RORA: variants seen among roughly 807,000 people sequenced by gnomAD.
The protein encoded by RORA is nuclear receptor ROR-alpha.
Under a neutral mutation model 69.5 loss-of-function variants are expected in RORA, and 7 were observed. The observed-to-expected ratio is 0.10, with a 90% CI of 0.06 to 0.19. The LOEUF is 0.19. Ranked by LOEUF, RORA falls within the 10% of genes least tolerant of loss-of-function variation. RORA has a pLI of 1.00. For synonymous variants in RORA, 261 were observed against 240.8 expected (o/e 1.08, Z -0.78); for missense variants, 457 against 663.0 (o/e 0.69, Z 3.41).
intron 1 of RORA, among the ~76,000 whole-genome samples, chr15:60,889,139 T>G (rs1012395618): frequency 1.3e-5 from 2 of 152,204 alleles, no homozygotes; most frequent in Admixed American, 1.3e-4. Context: ...ATGCTGTGTT[T>G]ACCCCACCAT....
chr15:60,801,671 C>A (rs1158280913), intron 1 of RORA, among the ~76,000 whole-genome samples: 1 of 152,190 alleles, frequency 6.6e-6, no homozygotes, highest in Non-Finnish European at 1.5e-5. Flanking sequence ...CGCCTGAAAG[C>A]CCGGGAGAGG....
At position 60,544,479 on chromosome 15, in the gene RORA, T is replaced by G. The variant is rs186385355; in HGVS notation, c.197-12628A>C. Reference sequence around the variant, plus strand: ...ACCCCTCGTGCTCTCCCTGCTTTTTTTTGTTGTTGTTGTTGTGCTTAATGT... The same window carrying G: ...ACCCCTCGTGCTCTCCCTGCTTTTTGTTGTTGTTGTTGTTGTGCTTAATGT... On this transcript the variant is annotated intron_variant, in intron 2 of 10. Transcript: ENST00000335670. 1.9e-3 allele frequency among the ~76,000 whole-genome samples: 292 copies of G among 152,228 alleles called. 1 individual carries two copies. The highest frequency in any genetic ancestry group is 4.8e-3 in the Admixed American group (73 of 15,296).
At position 60,488,298 on chromosome 15, in the gene RORA, GAA is replaced by G. The variant is rs1412062567; in HGVS notation, c.*9155_*9156del. 2.6e-5 allele frequency: 4 copies of G among 152,192 alleles called. No homozygotes were observed. Among genetic ancestry groups the G allele is most frequent in the Non-Finnish European group, 4.4e-5 (3 of 68,050 alleles). The allele number at this position is 152,192 out of a possible 1,614,324, so 9.4% of individuals were successfully genotyped here. A position where few individuals can be genotyped will look rare whatever the true frequency, so the allele number is the denominator to read the frequency against. Reference sequence around the variant, plus strand: ...CAAGGCAAGTGTTCCATTAGAAGCTGAAGTTTTATTATAGGATAACAGTACAT... The same window carrying G: ...CAAGGCAAGTGTTCCATTAGAAGCTGGTTTTATTATAGGATAACAGTACAT... On this transcript the variant is annotated 3_prime_UTR_variant, in exon 11 of 11. Coordinates refer to ENST00000335670, the MANE Select transcript of RORA (RefSeq NM_134261.3).
At chr15:61,196,105 C>T (rs2079843299) in intron 1 of RORA, among the ~76,000 whole-genome samples, 1 of 152,208 alleles carries the variant, frequency 6.6e-6, no homozygotes, top group Non-Finnish European at 1.5e-5. Flanking sequence ...TTTGCACCAA[C>T]CTAATAGTAA....
chr15:60,860,653 C>T (rs925935253), intron 1 of RORA, among the ~76,000 whole-genome samples: 3 of 152,176 alleles, frequency 2.0e-5, no homozygotes, highest in Admixed American at 6.5e-5. Context: ...GAGCCTTATT[C>T]GCTAAATTCC....
At position 61,147,274 on chromosome 15, in the gene RORA, C is replaced by G. The variant is rs1406016619; in HGVS notation, c.166+81779G>C. The stretch of plus-strand genomic sequence containing the variant: ...AAGGTGGAAAGGGGCATTAAAGGAG[C>G]TCAGATGCCAGACAGCCACGACTTT... On this transcript the variant is annotated intron_variant, in intron 1 of 10. Transcript: ENST00000335670. This position sits in a 1 kb window ranked among gnomAD's most constrained non-coding sequence, Gnocchi z 4.1. Among the ~76,000 whole-genome samples, 1 of 152,202 alleles carries G rather than the reference C, an allele frequency of 6.6e-6. No individual in the cohort carries two copies. The highest frequency in any genetic ancestry group is 1.5e-5 in the Non-Finnish European group (1 of 68,038).
rs79229540 is a variant in RORA, at chr15:60,519,023, T to C, written c.283-4266A>G. Among the ~76,000 whole-genome samples, 865 of 152,336 alleles carry C rather than the reference T, an allele frequency of 5.7e-3. 1 individual carries two copies. The highest frequency in any genetic ancestry group is 7.8e-3 in the Non-Finnish European group (530 of 68,038). On this transcript the variant is annotated intron_variant, in intron 3 of 10. Coordinates refer to ENST00000335670, the MANE Select transcript of RORA (RefSeq NM_134261.3). ...TTATTACAGTATATTTTAATAATTG[T>C]TCTGTATTATTATTATTGTTGTTAA...
intron 1 of RORA, among the ~76,000 whole-genome samples, chr15:60,924,593 G>T (rs1260186207): frequency 1.3e-5 from 2 of 152,064 alleles, no homozygotes; most frequent in Admixed American, 6.5e-5. Flanking sequence ...TAAGTCACTG[G>T]CCCTTTCTAT....
intron 1 of RORA, among the ~76,000 whole-genome samples, chr15:60,856,595 G>GA (rs202209097): frequency 6.0e-5 from 9 of 150,716 alleles, no homozygotes; most frequent in Non-Finnish European, 1.2e-4. Context: ...TTTACAACTT[G>GA]AAAAAAAATG....
At chr15:61,132,026 T>C (rs1366548368) in intron 1 of RORA, among the ~76,000 whole-genome samples, 1 of 152,190 alleles carries the variant, frequency 6.6e-6, no homozygotes, top group Admixed American at 6.5e-5. Flanking sequence ...CACTTTCTCC[T>C]TCCCTCCCTC....
In RORA at chr15:61,007,744, A is replaced by AG. The variant is rs1207820619; in HGVS notation, c.166+221308dup. ...AATATTATATATTTTATATAACATT[A>AG]GCCTAATGTTATATATTATATATAA... On this transcript the variant is annotated intron_variant, in intron 1 of 10. Transcript: ENST00000335670. Among the ~76,000 whole-genome samples, 219 of 148,602 alleles carry AG rather than the reference A, an allele frequency of 1.5e-3. 2 individuals carry two copies. The highest frequency in any genetic ancestry group is 5.1e-3 in the African/African-American group (207 of 40,950).
At chr15:61,070,423 C>T (rs954566867) in intron 1 of RORA, among the ~76,000 whole-genome samples, 2 of 152,314 alleles carry the variant, frequency 1.3e-5, no homozygotes, top group Non-Finnish European at 2.9e-5. Flanking sequence ...GACCCCAACA[C>T]CATATAAGCA....
chr15:61,049,956 G>C (rs1462930669), intron 1 of RORA, among the ~76,000 whole-genome samples: 1 of 152,308 alleles, frequency 6.6e-6, no homozygotes, highest in Non-Finnish European at 1.5e-5. Flanking sequence ...ACGGCACTCG[G>C]CCCAAGTACT....
At position 60,534,498 on chromosome 15, in the gene RORA, C is replaced by T. The variant is rs1055311195; in HGVS notation, c.197-2647G>A. Among the ~76,000 whole-genome samples the T allele has an allele frequency of 6.6e-6, 1 of 151,914 alleles. No individual in the cohort carries two copies. The highest frequency in any genetic ancestry group is 6.6e-5 in the Admixed American group (1 of 15,238). On this transcript the variant is annotated intron_variant, in intron 2 of 10. Coordinates refer to ENST00000335670, the MANE Select transcript of RORA (RefSeq NM_134261.3). The surrounding 1 kb of genome is among the most constrained non-coding windows in gnomAD (Gnocchi z 5.0). ...TGACTTGTATTTCCAAACAGGGGGG[C>T]CATTCACTTAGATCTTTGTCCCCAT...
intron 1 of RORA, among the ~76,000 whole-genome samples, chr15:60,947,017 G>A (rs914361895): frequency 7.2e-6 from 1 of 138,486 alleles, no homozygotes; most frequent in Non-Finnish European, 1.6e-5. Context: ...GGAGGGAGGT[G>A]GGGGGCCAGC....
In RORA at chr15:61,128,923, C is replaced by T. The variant is rs556800913; in HGVS notation, c.166+100130G>A. ...AGAAGAGACACTGGCCGTGGCACCA[C>T]GTGCCTGCCTTGGGCCCACTCCCTT... On this transcript the variant is annotated intron_variant, in intron 1 of 10. Transcript: ENST00000335670. This position sits in a 1 kb window ranked among gnomAD's most constrained non-coding sequence, Gnocchi z 4.5. 2.2e-4 allele frequency among the ~76,000 whole-genome samples: 33 copies of T among 152,352 alleles called. No homozygotes were observed. The highest frequency in any genetic ancestry group is 7.7e-4 in the African/African-American group (32 of 41,588).
intron 2 of RORA, among the ~76,000 whole-genome samples, chr15:60,606,485 G>C (rs2068948975): frequency 6.6e-6 from 1 of 152,126 alleles, no homozygotes; most frequent in Admixed American, 6.5e-5. Flanking sequence ...GAAAAGCACA[G>C]AAGCATTTTC....
intron 1 of RORA, among the ~76,000 whole-genome samples, chr15:61,098,932 C>T (rs1173114264): frequency 6.6e-6 from 1 of 152,114 alleles, no homozygotes; most frequent in Non-Finnish European, 1.5e-5. Flanking sequence ...TGAATACTTC[C>T]AAAGGTTCCG....
chr15:61,171,289 G>C (rs1181797517), intron 1 of RORA, among the ~76,000 whole-genome samples: 1 of 152,138 alleles, frequency 6.6e-6, no homozygotes, highest in African/African-American at 2.4e-5. Flanking sequence ...TTGTGATCTT[G>C]CTAGGAACAG....
Sources: allele counts gnomAD v4.1 joint callset (sites outside exome capture counted in the v4.1 genomes callset), GRCh38; gene constraint gnomAD v4.1.1; non-coding constraint Gnocchi (gnomAD v3.1); transcripts MANE v1.5; gene names NCBI Gene and HGNC (gene_info 2026-07-23, HGNC 2026-07-21).